Variants in JARID2 observed in about 807,000 individuals in gnomAD.
JARID2 encodes the protein jumonji and AT-rich interaction domain containing 2.
JARID2 carries 21 observed loss-of-function variants against 125.6 expected under a neutral mutation model. The observed-to-expected ratio is 0.17, with a 90% CI of 0.12 to 0.24. The LOEUF (loss-of-function observed/expected upper bound fraction) is 0.24, where lower values mean the gene tolerates loss of function less well. JARID2 is among the 10% of genes least tolerant of loss of function. The probability of loss-of-function intolerance (pLI) is 1.00; values close to 1 mark genes in which losing one functional copy is unlikely to be tolerated. For missense variants in JARID2, 1,303 were observed against 1,639.6 expected, an observed-to-expected ratio of 0.79 and a Z score of 3.55; for synonymous variants, 736 against 661.6, an observed-to-expected ratio of 1.11 and a Z score of -1.73.
chr6:15,316,371 G>A (rs370330952), intron 1 of JARID2, among the ~76,000 whole-genome samples: 2 of 152,188 alleles, frequency 1.3e-5, no homozygotes, highest in South Asian at 2.1e-4. Flanking sequence ...CACCATACCC[G>A]GCCAGATTCT....
In JARID2 at chr6:15,246,424, A is replaced by T; in HGVS notation, c.-116A>T. The T allele has an allele frequency of 1.3e-6, 1 of 787,566 alleles. No individual in the cohort carries two copies. The highest frequency in any genetic ancestry group is 2.1e-6 in the Non-Finnish European group (1 of 477,000). 48.8% of individuals were successfully genotyped at this position (787,566 alleles called of 1,614,324 possible). On this transcript the variant is annotated 5_prime_UTR_variant, in exon 1 of 18. It adds an upstream start codon to the 5' untranslated region. Transcript: ENST00000341776. ...GAAGAGGAAGAAAAGTCGGATTACA[A>T]GATCAACCACCACCAACAACAATAA...
intron 7 of JARID2, among the ~76,000 whole-genome samples, chr6:15,499,455 T>G (rs963632906): frequency 6.6e-6 from 1 of 152,202 alleles, no homozygotes; most frequent in Non-Finnish European, 1.5e-5. Flanking sequence ...TGCGTTATAA[T>G]CTACTTAGAG....
chr6:15,449,084 C>T (rs1372377220), intron 3 of JARID2, among the ~76,000 whole-genome samples: 4 of 152,076 alleles, frequency 2.6e-5, no homozygotes, highest in African/African-American at 4.8e-5. Flanking sequence ...GGAATATCCC[C>T]GTCACCCTAA....
chr6:15,505,349 T>C (rs1425453454), intron 9 of JARID2: 1 of 30,532 alleles, frequency 3.3e-5, no homozygotes, highest in Non-Finnish European at 8.1e-5. Context: ...TTTGCTGTGT[T>C]TTTTTTTTTT....
At position 15,455,570 on chromosome 6, in the gene JARID2, C is replaced by T. The variant is rs576368320; in HGVS notation, c.493+3395C>T. Among the ~76,000 whole-genome samples the T allele has an allele frequency of 3.3e-5, 5 of 152,234 alleles. No individual in the cohort carries two copies. In the East Asian group the frequency reaches 9.7e-4, roughly 29 times the overall value. ...TTTTTGAGACAGAGTCTCACTCTGT[C>T]GCCCAGGCTGGAGTGCAACAGCGCG... On this transcript the variant is annotated intron_variant, in intron 4 of 17. Coordinates refer to ENST00000341776, the MANE Select transcript of JARID2 (RefSeq NM_004973.4).
chr6:15,513,199 G>T, intron 15 of JARID2, 40 bp from the exon 16 acceptor site: 1 of 1,555,368 alleles, frequency 6.4e-7, no homozygotes, highest in Non-Finnish European at 8.7e-7. Flanking sequence ...AGCATGGCAG[G>T]CCGTCACTAA....
At chr6:15,405,771 TTGG>T (rs1354823522) in intron 2 of JARID2, among the ~76,000 whole-genome samples, 1 of 152,190 alleles carries the variant, frequency 6.6e-6, no homozygotes, top group East Asian at 1.9e-4. Context: ...ATTTTAACAA[TTGG>T]TGGCAGGGCT....
intron 1 of JARID2, among the ~76,000 whole-genome samples, chr6:15,251,823 C>T (rs187519687): frequency 6.6e-6 from 1 of 152,252 alleles, no homozygotes; most frequent in African/African-American, 2.4e-5. Context: ...ACTAAAAATA[C>T]AAAAATTACC....
intron 1 of JARID2, among the ~76,000 whole-genome samples, chr6:15,306,814 T>G (rs1172326457): frequency 6.6e-6 from 1 of 150,884 alleles, no homozygotes; most frequent in Non-Finnish European, 1.5e-5. Flanking sequence ...AAATGGAAGG[T>G]GGGGAAATAG....
chr6:15,309,683 G>A lies in JARID2; in HGVS notation c.45+63099G>A, dbSNP rs184098501. Among the ~76,000 whole-genome samples, 1,080 of 150,874 alleles carry A rather than the reference G, an allele frequency of 7.2e-3. 48 individuals carry two copies. In the East Asian group the frequency reaches 0.13, roughly 18 times the overall value. ...CATATATAAACGTGTGTGTGTGTGT[G>A]TATATATATATATGTATGCTTTGAC... On this transcript the variant is annotated intron_variant, in intron 1 of 17. Transcript: ENST00000341776.
chr6:15,331,004 T>G (rs1418644726), intron 1 of JARID2, among the ~76,000 whole-genome samples: 1 of 152,170 alleles, frequency 6.6e-6, no homozygotes, highest in Non-Finnish European at 1.5e-5. Flanking sequence ...CTTCATTGTC[T>G]TGTGAAAGGA....
chr6:15,248,543 G>GGCCGGCTTCCCGCGGCCCT (rs1239250097), intron 1 of JARID2: 4 of 150,124 alleles, frequency 2.7e-5, no homozygotes, highest in African/African-American at 9.8e-5. Flanking sequence ...GCGGCGGCCC[G>GGCCGGCTTCCCGCGGCCCT]GCCGGCTTCC....
intron 1 of JARID2, among the ~76,000 whole-genome samples, chr6:15,341,425 G>C (rs1763067694): frequency 6.6e-6 from 1 of 152,212 alleles, no homozygotes; most frequent in Admixed American, 6.5e-5. Context: ...CAGGAAAGTA[G>C]ACAAAGTTTC....
At chr6:15,294,173 C>A (rs1405924786) in intron 1 of JARID2, among the ~76,000 whole-genome samples, 1 of 152,088 alleles carries the variant, frequency 6.6e-6, no homozygotes, top group Non-Finnish European at 1.5e-5. Context: ...TAGGTGCACC[C>A]CAGAGGGAAG....
intron 2 of JARID2, among the ~76,000 whole-genome samples, chr6:15,380,054 T>G (rs1179056321): frequency 6.6e-6 from 1 of 150,546 alleles, no homozygotes; most frequent in African/African-American, 2.4e-5. Context: ...GGTGAGGGGA[T>G]GGAGTCTTGC....
intron 2 of JARID2, among the ~76,000 whole-genome samples, chr6:15,377,829 A>G (rs1264436174): frequency 8.3e-6 from 1 of 120,812 alleles, no homozygotes; most frequent in East Asian, 2.4e-4. Flanking sequence ...ACCTGTCCCG[A>G]GCCAGGATGG....
intron 2 of JARID2, 115 bp from the exon 3 acceptor site, chr6:15,410,109 C>A: frequency 2.1e-6 from 2 of 941,428 alleles, no homozygotes; most frequent in Non-Finnish European, 3.1e-6. Context: ...CTTTTAAATT[C>A]TCTTCTATCC....
At position 15,401,154 on chromosome 6, in the gene JARID2, C is replaced by CTATATATATATATATATA. The variant is rs140011539; in HGVS notation, c.182-9068_182-9051dup. On this transcript the variant is annotated intron_variant, in intron 2 of 17. Coordinates refer to ENST00000341776, the MANE Select transcript of JARID2 (RefSeq NM_004973.4). ...TAAATCCATTGTGGATGGCAAGGTG[C>CTATATATATATATATATA]TATATATATATATATATATGAGAGA... 5.5e-6 allele frequency: 4 copies of CTATATATATATATATATA among 732,336 alleles called. No individual in the cohort carries two copies. The African/African-American group carries it at 7.8e-5, about 14-fold the overall frequency. 45.4% of individuals were successfully genotyped at this position (732,336 alleles called of 1,614,324 possible). A position where few individuals can be genotyped will look rare whatever the true frequency, so the allele number is the denominator to read the frequency against.
At chr6:15,390,947 A>T (rs1764977619) in intron 2 of JARID2, among the ~76,000 whole-genome samples, 1 of 152,100 alleles carries the variant, frequency 6.6e-6, no homozygotes, top group African/African-American at 2.4e-5. Flanking sequence ...TGGGATACTA[A>T]TTTTTTTTCC....
Sources: allele counts gnomAD v4.1 joint callset (sites outside exome capture counted in the v4.1 genomes callset), GRCh38; gene constraint gnomAD v4.1.1; transcripts MANE v1.5; gene names NCBI Gene and HGNC (gene_info 2026-07-23, HGNC 2026-07-21).